MYH13: variants seen among roughly 807,000 people sequenced by gnomAD.
MYH13 encodes the protein myosin-13.
A neutral mutation model predicts 232.1 loss-of-function variants in MYH13; 177 were observed. The ratio of observed to expected loss-of-function variants is 0.76; its 90% CI spans 0.67 to 0.86. The LOEUF is 0.86. Among genes scored for constraint, MYH13 ranks in the 40% least tolerant of loss-of-function variants. The pLI is 0.00. For synonymous variants in MYH13, 884 were observed against 923.5 expected, an observed-to-expected ratio of 0.96 and a Z score of 0.78; for missense variants, 2,246 against 2,405.9, an observed-to-expected ratio of 0.93 and a Z score of 1.39.
chr17:10,341,296 C>T (rs2071617833), intron 16 of MYH13: 1 of 152,060 alleles, frequency 6.6e-6, no homozygotes, highest in Non-Finnish European at 1.5e-5. Context: ...AAGGGATCCG[C>T]CCACCTTGGC....
chr17:10,345,446 A>G, intron 14 of MYH13, 21 bp downstream of exon 14: 1 of 1,614,242 alleles, frequency 6.2e-7, no homozygotes, highest in Non-Finnish European at 8.5e-7. Flanking sequence ...GCAGACAAGA[A>G]AGTAGAAGGT....
chr17:10,314,935 G>A (rs887249254), intron 29 of MYH13, among the ~76,000 whole-genome samples: 2 of 152,204 alleles, frequency 1.3e-5, no homozygotes, highest in Non-Finnish European at 2.9e-5. Flanking sequence ...TCATGTTTAT[G>A]CGACTGTCTC....
intron 11 of MYH13, among the ~76,000 whole-genome samples, chr17:10,352,289 C>A (rs552226037): frequency 1.3e-5 from 2 of 152,212 alleles, no homozygotes; most frequent in East Asian, 1.9e-4. Flanking sequence ...CTATACCAGG[C>A]AGGCTATAAA....
In MYH13 at chr17:10,313,215, C is replaced by G. The variant is rs766570174; in HGVS notation, c.4124G>C (p.Trp1375Ser). Residue 1375 changes from tryptophan to serine, a missense_variant, in exon 30 of 41, where the codon TGG (tryptophan) becomes TCG (serine). Physicochemically the swap from Trp to Ser is radical, Grantham distance 177. Coordinates refer to ENST00000252172, the MANE Select transcript of MYH13 (RefSeq NM_003802.3). ...GGCGTCCGTCTCGTATTTGGTCCTC[C>G]ACTGGGCAACCTCACTGTTGGCCTT... ...LSKANSEVAQ[W>S]RTKYETDAIQ... 1 of 1,614,222 alleles carries G rather than the reference C, an allele frequency of 6.2e-7. No homozygotes were observed. Among genetic ancestry groups the G allele is most frequent in the Non-Finnish European group, 8.5e-7 (1 of 1,180,048 alleles).
At chr17:10,343,749 G>A (rs752033542) in intron 16 of MYH13, 51 bp downstream of exon 16, 8 of 1,515,198 alleles carry the variant, frequency 5.3e-6, no homozygotes, top group Non-Finnish European at 7.1e-6. Flanking sequence ...TCTGGGTTAG[G>A]AGTCATTACA....
Position 10,312,088 on chromosome 17 carries a change from C to T in MYH13, c.4366-12G>A. On this transcript the variant is annotated splice_polypyrimidine_tract_variant and intron_variant, in intron 31 of 40. Coordinates refer to ENST00000252172, the MANE Select transcript of MYH13 (RefSeq NM_003802.3). ...CACTCTGCAAGGACCTGGGAGATGACAAAGGGACATGGGAGAAGCAGAAAG... is the reference window on the plus strand; with the variant it reads ...CACTCTGCAAGGACCTGGGAGATGATAAAGGGACATGGGAGAAGCAGAAAG... The T allele has an allele frequency of 1.2e-6, 2 of 1,613,130 alleles. No individual in the cohort carries two copies. The highest frequency in any genetic ancestry group is 1.7e-6 in the Non-Finnish European group (2 of 1,179,820).
In MYH13 at chr17:10,332,162, G is replaced by A; in HGVS notation, c.2235C>T (p.Ala745=). The A allele has an allele frequency of 6.2e-7, 1 of 1,613,996 alleles. No homozygotes were observed. The highest frequency in any genetic ancestry group is 1.6e-4 in the Middle Eastern group (1 of 6,062). ...CGATGGAGTTGAGGAGCTTCTCTGA[G>A]GCATTTTTGCTGTCAATGAACTGCC... ...PEGQFIDSKN[A]SEKLLNSIDV... The change falls in exon 20 of 41, where the codon GCC becomes GCT. Residue 745 remains alanine (A), a synonymous_variant. Transcript: ENST00000252172.
At chr17:10,316,951 C>T (rs1389068499) in intron 27 of MYH13, among the ~76,000 whole-genome samples, 7 of 152,206 alleles carry the variant, frequency 4.6e-5, no homozygotes, top group Non-Finnish European at 7.3e-5. Flanking sequence ...AGCTTAGGAT[C>T]TCTTTGAGAA....
At position 10,362,246 on chromosome 17, in the gene MYH13, A is replaced by G. The variant is rs200689405; in HGVS notation, c.377T>C (p.Val126Ala). The change falls in exon 5 of 41, where the codon GTC becomes GCC. Residue 126 changes from valine (V) to alanine (A), a missense_variant. Transcript: ENST00000252172. ...CACCGGCAGCCACTTGTAGGGGTTG[A>G]CGGTGACACAGAAGAGGCCTGAGTA... ...YTYSGLFCVTVNPYKWLPVYK... is the reference protein window; with the variant it reads ...YTYSGLFCVTANPYKWLPVYK... 21 of 1,613,710 alleles carry G rather than the reference A, an allele frequency of 1.3e-5. No individual in the cohort carries two copies. In the African/African-American group the frequency reaches 2.7e-4, roughly 20 times the overall value.
intron 29 of MYH13, among the ~76,000 whole-genome samples, chr17:10,315,313 A>G (rs1487773336): frequency 6.6e-6 from 1 of 152,098 alleles, no homozygotes; most frequent in African/African-American, 2.4e-5. Flanking sequence ...TTCTTTCTTT[A>G]ATGGAGTCTC....
chr17:10,359,941 T>C lies in MYH13; in HGVS notation c.645+19A>G, dbSNP rs1435345639. On this transcript the variant is annotated intron_variant, in intron 7 of 40. Coordinates refer to ENST00000252172, the MANE Select transcript of MYH13 (RefSeq NM_003802.3). ...ATACTTATTCCAGTAAGCCTCCGGA[T>C]GCAGGTGGGGCTGCTCACCTGCATT... The C allele has an allele frequency of 2.5e-6, 4 of 1,592,186 alleles. No homozygotes were observed. Among genetic ancestry groups the C allele is most frequent in the East Asian group, 2.2e-5 (1 of 44,784 alleles).
At chr17:10,311,348 G>T in intron 32 of MYH13, 121 bp from the exon 33 acceptor site, 1 of 1,271,622 alleles carries the variant, frequency 7.9e-7, no homozygotes. Context: ...GAGAATACAG[G>T]GCAGCCGTTC....
At chr17:10,309,860 G>A (rs1186599290) in intron 33 of MYH13, 30 bp from the exon 34 acceptor site, 2 of 1,513,996 alleles carry the variant, frequency 1.3e-6, no homozygotes, top group South Asian at 1.3e-5. Flanking sequence ...GATTGAGAGT[G>A]CCGTGGACAT....
intron 23 of MYH13, among the ~76,000 whole-genome samples, chr17:10,322,355 A>G (rs1000674417): frequency 1.4e-4 from 22 of 152,138 alleles, no homozygotes; most frequent in African/African-American, 4.6e-4. Flanking sequence ...CTGAGATTGC[A>G]CCACTGCACT....
In MYH13 at chr17:10,319,023, T is replaced by C. The variant is rs775010991; in HGVS notation, c.3505A>G (p.Lys1169Glu). Residue 1169 changes from lysine (K) to glutamate (E), a missense_variant, in exon 27 of 41, where the codon AAG (lysine) becomes GAG (glutamate). Transcript: ENST00000252172. ...GATSAQIEMN[K>E]KREAEFQKMR... Reference sequence around the variant, plus strand: ...TTCTGGAACTCAGCCTCCCTCTTCTTGTTCATCTCAATCTGGGCTGAAGTG... The same window carrying C: ...TTCTGGAACTCAGCCTCCCTCTTCTCGTTCATCTCAATCTGGGCTGAAGTG... The C allele has an allele frequency of 1.2e-5, 19 of 1,614,124 alleles. No homozygotes were observed. Among genetic ancestry groups the C allele is most frequent in the Non-Finnish European group, 1.5e-5 (18 of 1,180,008 alleles).
chr17:10,345,205 C>G lies in MYH13; in HGVS notation c.1581G>C (p.Glu527Asp). ...CCAGGCAGCAGTATCTCTCTACCTT[C>G]TCGATGAGCTCGATGCAGGCAGCCA... ...MDLAACIELI[E>D]KPMGIFSILE... is the part of the protein sequence containing the mutation. The change falls in exon 15 of 41, where the codon GAG becomes GAC. Residue 527 changes from glutamate (E) to aspartate (D), a missense_variant. Transcript: ENST00000252172. The G allele has an allele frequency of 3.1e-6, 5 of 1,614,114 alleles. No homozygotes were observed. Among genetic ancestry groups the G allele is most frequent in the Non-Finnish European group, 4.2e-6 (5 of 1,179,948 alleles).
chr17:10,312,684 C>T lies in MYH13; in HGVS notation c.4255G>A (p.Glu1419Lys). 1 of 1,613,562 alleles carries T rather than the reference C, an allele frequency of 6.2e-7. No homozygotes were observed. The highest frequency in any genetic ancestry group is 8.5e-7 in the Non-Finnish European group (1 of 1,179,770). Residue 1419 changes from glutamate to lysine, a missense_variant, in exon 31 of 41, where the codon GAG becomes AAG. Glu to Lys is a moderately conservative substitution (Grantham distance 56). Transcript: ENST00000252172. ...ETANSKCASL[E>K]KTKQRLQGEV... ...CCCTGCAGCCTCTGCTTGGTTTTCT[C>T]CAACGATGCGCACTTGGAGTTCGCC...
At position 10,319,048 on chromosome 17, in the gene MYH13, G is replaced by A; in HGVS notation, c.3480C>T (p.Ala1160=). The change falls in exon 27 of 41, where the codon GCC becomes GCT. Residue 1160 remains alanine (A), a synonymous_variant. Coordinates refer to ENST00000252172, the MANE Select transcript of MYH13 (RefSeq NM_003802.3). ...TGTTCATCTCAATCTGGGCTGAAGT[G>A]GCCCCACTGGCTTCTTCCAGCCTCT... ...ISERLEEASG[A]TSAQIEMNKK... is the part of the protein sequence containing the mutation. The A allele has an allele frequency of 6.2e-7, 1 of 1,614,136 alleles. No individual in the cohort carries two copies. Among genetic ancestry groups the A allele is most frequent in the Non-Finnish European group, 8.5e-7 (1 of 1,180,036 alleles).
At chr17:10,326,615 C>T (rs1159243860) in intron 22 of MYH13, among the ~76,000 whole-genome samples, 2 of 150,522 alleles carry the variant, frequency 1.3e-5, no homozygotes, top group East Asian at 2.0e-4. Context: ...GCACTACCAG[C>T]GTGTGCCACC....
Sources: gnomAD v4.1 joint callset for allele counts (sites outside exome capture counted in the v4.1 genomes callset) on GRCh38, gnomAD v4.1.1 for gene constraint, MANE v1.5 for transcripts, NCBI Gene and HGNC (gene_info 2026-07-23, HGNC 2026-07-21) for gene names.